The following SLC8A3 variants were observed in gnomAD, a reference collection of about 807,000 sequenced individuals.
SLC8A3 encodes solute carrier family 8 member A3.
In SLC8A3, 37 loss-of-function variants were observed where a neutral mutation model predicts 65.4. That is an observed-to-expected ratio of 0.57 (90% CI 0.44 to 0.74). The LOEUF (loss-of-function observed/expected upper bound fraction) is 0.74, where lower values mean the gene tolerates loss of function less well. Ranked by LOEUF, SLC8A3 falls within the 30% of genes least tolerant of loss-of-function variation. The pLI is 0.00. For synonymous variants in SLC8A3, 461 were observed against 444.5 expected, an observed-to-expected ratio of 1.04 and a Z score of -0.47; for missense variants, 1,112 against 1,172.1, an observed-to-expected ratio of 0.95 and a Z score of 0.75.
chr14:70,093,333 G>C (rs966004951), intron 2 of SLC8A3, among the ~76,000 whole-genome samples: 3 of 152,170 alleles, frequency 2.0e-5, no homozygotes, highest in Admixed American at 2.0e-4. Context: ...TTGTGTTTGC[G>C]TGGTGCACAG....
intron 1 of SLC8A3, among the ~76,000 whole-genome samples, chr14:70,183,434 G>A (rs566950434): frequency 2.3e-4 from 35 of 152,210 alleles, no homozygotes; most frequent in Non-Finnish European, 4.0e-4. Context: ...AACCCTTCCA[G>A]GCTCCTTCTT....
At chr14:70,136,133 A>G (rs562219926) in intron 2 of SLC8A3, among the ~76,000 whole-genome samples, 1 of 152,338 alleles carries the variant, frequency 6.6e-6, no homozygotes, top group South Asian at 2.1e-4. Flanking sequence ...GAAGAGGGCT[A>G]TGTGAAGTCA....
chr14:70,186,949 TG>T (rs1309181264), intron 1 of SLC8A3, among the ~76,000 whole-genome samples: 1 of 152,170 alleles, frequency 6.6e-6, no homozygotes, highest in Non-Finnish European at 1.5e-5. Context: ...CTCAAGTGGA[TG>T]GGGCACGACA....
intron 2 of SLC8A3, among the ~76,000 whole-genome samples, chr14:70,073,859 C>T (rs1297153614): frequency 6.6e-6 from 1 of 152,236 alleles, no homozygotes; most frequent in African/African-American, 2.4e-5. Context: ...AACGCCCTGC[C>T]TTCCACCTTA....
At chr14:70,145,765 C>T (rs1594756296) in intron 2 of SLC8A3, among the ~76,000 whole-genome samples, 1 of 152,192 alleles carries the variant, frequency 6.6e-6, no homozygotes, top group African/African-American at 2.4e-5. Flanking sequence ...GTCCCCCAGC[C>T]CTACCTTTGG....
intron 2 of SLC8A3, among the ~76,000 whole-genome samples, chr14:70,095,320 G>C (rs945645277): frequency 3.3e-5 from 5 of 152,194 alleles, no homozygotes; most frequent in Non-Finnish European, 5.9e-5. Context: ...AGTGGGCTCT[G>C]GGACAAAGTA....
chr14:70,045,828 G>T lies in SLC8A3; in HGVS notation c.*119C>A. ...GCCTAAGTTGGGTGAAGTTCCTGGG[G>T]CTTAGGTCCTGATGCTGCCTCTCCA... is the stretch of plus-strand genomic sequence containing the variant. On this transcript the variant is annotated 3_prime_UTR_variant, in exon 7 of 7. Transcript: ENST00000356921. 2 of 1,029,116 alleles carry T rather than the reference G, an allele frequency of 1.9e-6. No homozygotes were observed. Among genetic ancestry groups the T allele is most frequent in the Non-Finnish European group, 2.8e-6 (2 of 725,904 alleles). The allele number at this position is 1,029,116 out of a possible 1,614,324, so 63.7% of individuals were successfully genotyped here.
intron 2 of SLC8A3, among the ~76,000 whole-genome samples, chr14:70,159,103 C>A (rs1896736721): frequency 6.6e-6 from 1 of 152,120 alleles, no homozygotes; most frequent in African/African-American, 2.4e-5. Flanking sequence ...AGCTTAGTTT[C>A]TCTTTTAAAA....
At chr14:70,086,943 G>A (rs570999706) in intron 2 of SLC8A3, among the ~76,000 whole-genome samples, 1 of 152,254 alleles carries the variant, frequency 6.6e-6, no homozygotes, top group South Asian at 2.1e-4. Flanking sequence ...GCTGAGTTAC[G>A]TGTGCTGGAG....
chr14:70,084,620 T>A (rs1891293853), intron 2 of SLC8A3, among the ~76,000 whole-genome samples: 1 of 152,206 alleles, frequency 6.6e-6, no homozygotes, highest in Admixed American at 6.5e-5. Flanking sequence ...ATGCTCAATG[T>A]CTAGAGGGAA....
intron 2 of SLC8A3, among the ~76,000 whole-genome samples, chr14:70,140,846 T>C (rs750898663): frequency 4.6e-5 from 7 of 152,208 alleles, no homozygotes; most frequent in Non-Finnish European, 1.0e-4. Flanking sequence ...GAGTTTCCTT[T>C]TGCATATTGT....
chr14:70,183,654 A>G (rs925509667), intron 1 of SLC8A3, among the ~76,000 whole-genome samples: 19 of 152,254 alleles, frequency 1.2e-4, no homozygotes, highest in Non-Finnish European at 1.5e-4. Context: ...AGAGAAAATT[A>G]GTTAAACTTT....
chr14:70,147,399 C>A (rs961470806), intron 2 of SLC8A3, among the ~76,000 whole-genome samples: 4 of 152,126 alleles, frequency 2.6e-5, no homozygotes, highest in Non-Finnish European at 5.9e-5. Context: ...TCCAATGTGG[C>A]TGTAAGATTC....
chr14:70,126,323 C>T (rs1429191823), intron 2 of SLC8A3, among the ~76,000 whole-genome samples: 1 of 152,096 alleles, frequency 6.6e-6, no homozygotes, highest in African/African-American at 2.4e-5. Context: ...TAGATATACA[C>T]AGTCAACATT....
At chr14:70,181,703 G>A (rs1882766091) in intron 1 of SLC8A3, among the ~76,000 whole-genome samples, 1 of 152,134 alleles carries the variant, frequency 6.6e-6, no homozygotes, top group Non-Finnish European at 1.5e-5. Context: ...TAGATATGGA[G>A]TGGGGCACCA....
At chr14:70,088,300 G>T (rs1891575128) in intron 2 of SLC8A3, among the ~76,000 whole-genome samples, 1 of 152,172 alleles carries the variant, frequency 6.6e-6, no homozygotes, top group Non-Finnish European at 1.5e-5. Context: ...CTTGAGAATA[G>T]AATTCATCTA....
chr14:70,096,648 TG>T (rs1285774096), intron 2 of SLC8A3, among the ~76,000 whole-genome samples: 6 of 152,142 alleles, frequency 3.9e-5, no homozygotes, highest in Non-Finnish European at 8.8e-5. Flanking sequence ...ATGTATCAAA[TG>T]GGGGTATTTA....
At chr14:70,084,092 GC>G (rs1261409682) in intron 2 of SLC8A3, among the ~76,000 whole-genome samples, 1 of 152,160 alleles carries the variant, frequency 6.6e-6, no homozygotes, top group East Asian at 1.9e-4. Flanking sequence ...TAAGTGAGAT[GC>G]CCTCCTGCAA....
rs576113078 is a variant in SLC8A3 at position 70,183,570 on chromosome 14, G to T, written c.-63+4809C>A. 9.2e-5 allele frequency among the ~76,000 whole-genome samples: 14 copies of T among 152,254 alleles called. 2 individuals are homozygous for T. In the Middle Eastern group the frequency reaches 0.027, roughly 296 times the overall value. ...GGAGCCCTTTCTCTTTTCCCCTAAG[G>T]CATCTGCCCAGTGTTGAGTTTAGAG... is the stretch of plus-strand genomic sequence containing the variant. On this transcript the variant is annotated intron_variant, in intron 1 of 6. Coordinates refer to ENST00000356921, the MANE Select transcript of SLC8A3 (RefSeq NM_182932.3).
Sources: allele counts gnomAD v4.1 joint callset (sites outside exome capture counted in the v4.1 genomes callset), GRCh38; gene constraint gnomAD v4.1.1; transcripts MANE v1.5; gene names NCBI Gene and HGNC (gene_info 2026-07-23, HGNC 2026-07-21).